The following RIPK4 variants were observed in gnomAD, a reference collection of about 807,000 sequenced individuals.
RIPK4 encodes receptor interacting serine/threonine kinase 4, also known as receptor-interacting serine/threonine-protein kinase 4.
In RIPK4, 17 loss-of-function variants were observed where a neutral mutation model predicts 42.9. That is an observed-to-expected ratio of 0.40 (90% CI 0.27 to 0.59). The LOEUF is 0.59. RIPK4 is among the 20% of genes least tolerant of loss of function. The pLI, the probability that RIPK4 is intolerant of heterozygous loss-of-function variation, is 0.47. For synonymous variants in RIPK4, 498 were observed against 499.1 expected, an observed-to-expected ratio of 1.00 and a Z score of 0.03; for missense variants, 897 against 1,104.4, an observed-to-expected ratio of 0.81 and a Z score of 2.66.
chr21:41,741,447 G>T lies in RIPK4; in HGVS notation c.1746C>A (p.His582Gln). Reference protein sequence around the residue: ...LPLHYAAWQGHLPIVKLLAKQ... With the variant: ...LPLHYAAWQGQLPIVKLLAKQ... ...TGGCCAGCAGCTTGACGATGGGCAG[G>T]TGGCCCTGCCAGGCAGCGTAGTGCA... Residue 582 changes from histidine (H) to glutamine (Q), a missense_variant, in exon 8 of 8, where the codon CAC becomes CAA. Physicochemically the swap from His to Gln is conservative, Grantham distance 24. Coordinates refer to ENST00000332512, the MANE Select transcript of RIPK4 (RefSeq NM_020639.3). 1 of 1,612,872 alleles carries T rather than the reference G, an allele frequency of 6.2e-7. No individual in the cohort carries two copies. The highest frequency in any genetic ancestry group is 1.1e-5 in the South Asian group (1 of 91,080).
chr21:41,750,239 G>C (rs1375277142), intron 3 of RIPK4, among the ~76,000 whole-genome samples: 1 of 152,258 alleles, frequency 6.6e-6, no homozygotes, highest in African/African-American at 2.4e-5. Context: ...CCGAGTCACA[G>C]TGCTGCTGGA....
In RIPK4 at chr21:41,741,053, C is replaced by T. The variant is rs1400055937; in HGVS notation, c.2140G>A (p.Gly714Arg). 61 of 1,610,072 alleles carry T rather than the reference C, an allele frequency of 3.8e-5. No homozygotes were observed. Among genetic ancestry groups the T allele is most frequent in the Non-Finnish European group, 5.0e-5 (59 of 1,179,286 alleles). The change falls in exon 8 of 8, where the codon GGG becomes AGG. Residue 714 changes from glycine (G) to arginine (R), a missense_variant. Gly to Arg is a moderately radical substitution (Grantham distance 125). Transcript: ENST00000332512. Reference sequence around the variant, plus strand: ...AACTCCTCCACCACCTCCGAGTGCCCGTGGGCGGCAGCCAGGTGCAGCGCC... The same window carrying T: ...AACTCCTCCACCACCTCCGAGTGCCTGTGGGCGGCAGCCAGGTGCAGCGCC... ...QTALHLAAAH[G>R]HSEVVEELVS...
At position 41,741,833 on chromosome 21, in the gene RIPK4, C is replaced by T. The variant is rs763537495; in HGVS notation, c.1360G>A (p.Ala454Thr). 9.9e-6 allele frequency: 16 copies of T among 1,612,044 alleles called. No homozygotes were observed. Among genetic ancestry groups the T allele is most frequent in the Admixed American group, 3.3e-5 (2 of 60,004 alleles). The part of the protein sequence containing the change: ...LAVEAGQEEC[A>T]KWLLLNNANP... ...GCATTGTTGAGCAGCAGCCACTTGG[C>T]GCACTCCTCTTGCCCGGCCTCCACC... is the stretch of plus-strand genomic sequence containing the variant. Residue 454 changes from alanine to threonine, a missense_variant, in exon 8 of 8, where the codon GCC (alanine) becomes ACC (threonine). Transcript: ENST00000332512.
chr21:41,748,674 A>T (rs912281959), intron 4 of RIPK4, among the ~76,000 whole-genome samples: 3 of 152,212 alleles, frequency 2.0e-5, no homozygotes, highest in Admixed American at 6.5e-5. Context: ...CTATTTTTTT[A>T]AAAAGTAAAC....
chr21:41,741,966 C>T lies in RIPK4; in HGVS notation c.1227G>A (p.Lys409=), dbSNP rs1230945847. 2.5e-6 allele frequency: 4 copies of T among 1,603,802 alleles called. No homozygotes were observed. The highest frequency in any genetic ancestry group is 4.5e-5 in the East Asian group (2 of 44,686). The stretch of plus-strand genomic sequence containing the variant: ...CCCCGGACACGATGGCATCCACAAG[C>T]TTCTTCTTCTGGACGTCTGTGGTGC... The part of the protein sequence containing the change: ...DLGTTDVQKK[K]LVDAIVSGDT... Residue 409 remains lysine (K), a synonymous_variant, in exon 8 of 8, where the codon AAG becomes AAA. Transcript: ENST00000332512.
Position 41,751,995 on chromosome 21 carries a change from C to T in RIPK4, c.475-750G>A, listed in dbSNP as rs1004255960. On this transcript the variant is annotated intron_variant, in intron 2 of 7. Transcript: ENST00000332512. The surrounding 1 kb of genome is among the most constrained non-coding windows in gnomAD (Gnocchi z 4.5). ...GGGGAGGCAGGTCTCAGGTCTCCTT[C>T]GGGCAAAGGTGACCTTGGAGCTCAC... is the stretch of plus-strand genomic sequence containing the variant. 5.9e-5 allele frequency among the ~76,000 whole-genome samples: 9 copies of T among 152,010 alleles called. No homozygotes were observed. Among genetic ancestry groups the T allele is most frequent in the Admixed American group, 4.6e-4 (7 of 15,272 alleles).
At chr21:41,752,038 C>G (rs765855557) in intron 2 of RIPK4, among the ~76,000 whole-genome samples, 1 of 152,056 alleles carries the variant, frequency 6.6e-6, no homozygotes, top group African/African-American at 2.4e-5. Context: ...ACTTCACAGA[C>G]CCCCGGTCTG....
intron 6 of RIPK4, among the ~76,000 whole-genome samples, chr21:41,744,545 CA>C (rs1273811602): frequency 1.3e-5 from 2 of 152,240 alleles, no homozygotes; most frequent in Admixed American, 6.5e-5. Context: ...CATAAAAGTG[CA>C]AAATCCAGCC....
chr21:41,745,190 C>T lies in RIPK4; in HGVS notation c.936+569G>A, dbSNP rs184712558. 2.6e-3 allele frequency among the ~76,000 whole-genome samples: 396 copies of T among 152,292 alleles called. 2 individuals carry two copies. Among genetic ancestry groups the T allele is most frequent in the African/African-American group, 8.3e-3 (347 of 41,558 alleles). On this transcript the variant is annotated intron_variant, in intron 6 of 7. Transcript: ENST00000332512. ...TCCTGATATACATATTTCCTGATCT[C>T]CTGAGCTCACACCAACAGCCTGGGA... is the stretch of plus-strand genomic sequence containing the variant.
At chr21:41,754,297 A>G (rs936803489) in intron 2 of RIPK4, among the ~76,000 whole-genome samples, 1 of 152,170 alleles carries the variant, frequency 6.6e-6, no homozygotes, top group Non-Finnish European at 1.5e-5. Context: ...ACCAGTAGCT[A>G]TTTCACAGAA....
chr21:41,759,826 A>G (rs1354107322), intron 1 of RIPK4, among the ~76,000 whole-genome samples: 2 of 152,226 alleles, frequency 1.3e-5, no homozygotes, highest in Admixed American at 1.3e-4. Context: ...TCCCTGCAGG[A>G]AAGGCCAGCA....
In RIPK4 at chr21:41,746,665, G is replaced by A. The variant is rs965701686; in HGVS notation, c.780C>T (p.Arg260=). The A allele has an allele frequency of 6.2e-7, 1 of 1,611,372 alleles. No homozygotes were observed. Among genetic ancestry groups the A allele is most frequent in the South Asian group, 1.1e-5 (1 of 91,084 alleles). Residue 260 remains arginine, a synonymous_variant, in exon 5 of 8, where the codon CGC becomes CGT. Transcript: ENST00000332512. ...ARPRACSHLI[R]LMQRCWQGDP... ...CCCCCTGCCAGCACCGCTGCATGAG[G>A]CGTATCAGGTGGCTGCAGGCGCGCG...
rs2061145529 is a variant in RIPK4 at position 41,739,393 on chromosome 21, C to T, written c.*1445G>A. On this transcript the variant is annotated 3_prime_UTR_variant, in exon 8 of 8. Transcript: ENST00000332512. ...CCAGCTTCAAAAAAGTAGGCAAGTA[C>T]TTTGCTTTATTGACATCAAATGGAA... is the stretch of plus-strand genomic sequence containing the variant. 6.6e-6 allele frequency: 1 copy of T among 152,256 alleles called. No homozygotes were observed. The highest frequency in any genetic ancestry group is 1.5e-5 in the Non-Finnish European group (1 of 68,050). The allele number at this position is 152,256 out of a possible 1,614,324, so 9.4% of individuals were successfully genotyped here.
At position 41,742,259 on chromosome 21, in the gene RIPK4, G is replaced by A. The variant is rs1437366015; in HGVS notation, c.1196-262C>T. 6.6e-6 allele frequency among the ~76,000 whole-genome samples: 1 copy of A among 152,234 alleles called. No homozygotes were observed. Among genetic ancestry groups the A allele is most frequent in the Non-Finnish European group, 1.5e-5 (1 of 68,040 alleles). On this transcript the variant is annotated intron_variant, in intron 7 of 7. Coordinates refer to ENST00000332512, the MANE Select transcript of RIPK4 (RefSeq NM_020639.3). This position sits in a 1 kb window ranked among gnomAD's most constrained non-coding sequence, Gnocchi z 5.1. ...AAAACCCGCTCTCCCTGTCCTGCGG[G>A]GTGGTGAGCCCCCTTGGTGCTTAGA...
At chr21:41,762,126 T>C (rs980721199) in intron 1 of RIPK4, among the ~76,000 whole-genome samples, 1 of 152,196 alleles carries the variant, frequency 6.6e-6, no homozygotes, top group African/African-American at 2.4e-5. Context: ...CCGGCACGAC[T>C]TCCCCCTTCC....
In RIPK4 at chr21:41,742,088, G is replaced by A. The variant is rs907787592; in HGVS notation, c.1196-91C>T. On this transcript the variant is annotated intron_variant, in intron 7 of 7. Transcript: ENST00000332512. The surrounding 1 kb of genome is among the most constrained non-coding windows in gnomAD (Gnocchi z 5.1). ...AGCCTGGCTGTGGCGCTCAGGTGGA[G>A]GAGTGCCATGGCCTCCAGGCTGCTC... is the stretch of plus-strand genomic sequence containing the variant. The A allele has an allele frequency of 3.9e-4, 446 of 1,131,854 alleles. 3 individuals are homozygous for A. Among genetic ancestry groups the A allele is most frequent in the Middle Eastern group, 1.7e-3 (7 of 4,120 alleles). 70.1% of individuals were successfully genotyped at this position (1,131,854 alleles called of 1,614,324 possible). A position where few individuals can be genotyped will look rare whatever the true frequency, so the allele number is the denominator to read the frequency against.
At chr21:41,765,568 G>C (rs1003593550) in intron 1 of RIPK4, among the ~76,000 whole-genome samples, 1 of 152,224 alleles carries the variant, frequency 6.6e-6, no homozygotes, top group African/African-American at 2.4e-5. Context: ...TCACAGTCAC[G>C]GTATGGGGCT....
chr21:41,765,733 G>T (rs2061234172), intron 1 of RIPK4, among the ~76,000 whole-genome samples: 1 of 152,254 alleles, frequency 6.6e-6, no homozygotes, highest in South Asian at 2.1e-4. Flanking sequence ...TCGCTTCTGA[G>T]TGTATGTGTT....
rs2061180643 is a variant in RIPK4, at chr21:41,749,179, C to T, written c.648G>A (p.Val216=). ...VYSFAIVIWG[V]LTQKKPFADE... ...CTGCAAACGGCTTCTTCTGTGTGAGCACGCCCCAGATGACGATCGCAAAGC... is the reference window on the plus strand; with the variant it reads ...CTGCAAACGGCTTCTTCTGTGTGAGTACGCCCCAGATGACGATCGCAAAGC... Residue 216 remains valine, a synonymous_variant, in exon 4 of 8, where the codon GTG becomes GTA. Transcript: ENST00000332512. 6.2e-7 allele frequency: 1 copy of T among 1,613,704 alleles called. No individual in the cohort carries two copies. Among genetic ancestry groups the T allele is most frequent in the African/African-American group, 1.3e-5 (1 of 74,892 alleles).
Sources: allele counts gnomAD v4.1 joint callset (sites outside exome capture counted in the v4.1 genomes callset), GRCh38; gene constraint gnomAD v4.1.1; non-coding constraint Gnocchi (gnomAD v3.1); transcripts MANE v1.5; gene names NCBI Gene and HGNC (gene_info 2026-07-23, HGNC 2026-07-21).